PTPRG: variants seen among roughly 807,000 people sequenced by gnomAD.
The protein encoded by PTPRG is protein tyrosine phosphatase receptor type G.
Under a neutral mutation model 165.3 loss-of-function variants are expected in PTPRG, and 102 were observed. The observed-to-expected ratio is 0.62, with a 90% CI of 0.53 to 0.73. The LOEUF is 0.73. Ranked by LOEUF, PTPRG falls within the 30% of genes least tolerant of loss-of-function variation. The probability of loss-of-function intolerance (pLI) is 0.00; values close to 1 mark genes in which losing one functional copy is unlikely to be tolerated. For missense variants in PTPRG, 1,866 were observed against 1,861.4 expected (o/e 1.00, Z -0.05); for synonymous variants, 675 against 669.5 (o/e 1.01, Z -0.13).
chr3:61,862,828 G>A (rs2037308884), intron 2 of PTPRG, among the ~76,000 whole-genome samples: 1 of 152,170 alleles, frequency 6.6e-6, no homozygotes, highest in Non-Finnish European at 1.5e-5. Flanking sequence ...TCTGATGTCA[G>A]CCTACTTAGT....
At position 62,255,288 on chromosome 3, in the gene PTPRG, C is replaced by A. The variant is rs907307491; in HGVS notation, c.2559+73C>A. 2.6e-6 allele frequency: 3 copies of A among 1,175,146 alleles called. No individual in the cohort carries two copies. Among genetic ancestry groups the A allele is most frequent in the African/African-American group, 3.1e-5 (2 of 64,408 alleles). The allele number at this position is 1,175,146 out of a possible 1,614,324, so 72.8% of individuals were successfully genotyped here. A position where few individuals can be genotyped will look rare whatever the true frequency, so the allele number is the denominator to read the frequency against. The stretch of plus-strand genomic sequence containing the variant: ...TTATGCAGATTTTTGTAAACTTGAA[C>A]TGAATTCATTCCAAGCATAACAAAA... On this transcript the variant is annotated intron_variant, in intron 16 of 29. Transcript: ENST00000474889. This position sits in a 1 kb window ranked among gnomAD's most constrained non-coding sequence, Gnocchi z 4.0.
intron 1 of PTPRG, among the ~76,000 whole-genome samples, chr3:61,728,955 G>T (rs61619166): frequency 0.021 from 3,178 of 151,864 alleles, 114 homozygotes; most frequent in African/African-American, 0.073. Context: ...CTGGTTACTT[G>T]AGAGTTTGAG....
At chr3:61,757,881 ATTAAT>A (rs562437013) in intron 2 of PTPRG, among the ~76,000 whole-genome samples, 533 of 152,322 alleles carry the variant, frequency 3.5e-3, no homozygotes, top group Non-Finnish European at 5.6e-3. Context: ...GAAGGACATG[ATTAAT>A]TTAAAGGTTC....
intron 4 of PTPRG, among the ~76,000 whole-genome samples, chr3:62,004,986 A>C (rs2107726314): frequency 6.6e-6 from 1 of 152,294 alleles, no homozygotes; most frequent in Non-Finnish European, 1.5e-5. Context: ...CCCTCTAAGT[A>C]TCCTGGAAGC....
At chr3:61,710,731 T>C (rs1234982164) in intron 1 of PTPRG, among the ~76,000 whole-genome samples, 1 of 152,174 alleles carries the variant, frequency 6.6e-6, no homozygotes, top group Non-Finnish European at 1.5e-5. Context: ...TGGATACCTC[T>C]GATTTAGACC....
chr3:61,945,892 G>A (rs751089228), intron 2 of PTPRG, among the ~76,000 whole-genome samples: 2 of 152,294 alleles, frequency 1.3e-5, no homozygotes, highest in Non-Finnish European at 2.9e-5. Context: ...TGAGAAAAAC[G>A]AAACACAGAG....
At chr3:61,930,775 T>A (rs548719897) in intron 2 of PTPRG, among the ~76,000 whole-genome samples, 1 of 152,290 alleles carries the variant, frequency 6.6e-6, no homozygotes, top group South Asian at 2.1e-4. Flanking sequence ...AAGAAGGCAG[T>A]GCGGCCAGGC....
chr3:61,651,973 G>A (rs1472109048), intron 1 of PTPRG, among the ~76,000 whole-genome samples: 1 of 151,900 alleles, frequency 6.6e-6, no homozygotes, highest in Non-Finnish European at 1.5e-5. Flanking sequence ...TCACACCACT[G>A]CACTCCAGCC....
chr3:62,011,662 G>A (rs1456596910), intron 4 of PTPRG, among the ~76,000 whole-genome samples: 1 of 152,052 alleles, frequency 6.6e-6, no homozygotes, highest in Non-Finnish European at 1.5e-5. Context: ...GATCTTTTAT[G>A]TGTATGTCCT....
At chr3:61,860,829 T>C (rs148174321) in intron 2 of PTPRG, among the ~76,000 whole-genome samples, 1,745 of 152,280 alleles carry the variant, frequency 0.011, 37 homozygotes, top group African/African-American at 0.039. Context: ...TTTTATACTT[T>C]TCCCAGGGTG....
chr3:61,787,142 A>G (rs1044454436), intron 2 of PTPRG, among the ~76,000 whole-genome samples: 1 of 152,198 alleles, frequency 6.6e-6, no homozygotes. Flanking sequence ...GCAAATATTA[A>G]TATTTCGTTG....
chr3:61,742,414 T>G, intron 1 of PTPRG: 1 of 1,246,310 alleles, frequency 8.0e-7, no homozygotes, highest in South Asian at 1.9e-5. Flanking sequence ...TTTTTTTTTT[T>G]TTTTTTTTTG....
At position 61,743,113 on chromosome 3, in the gene PTPRG, T is replaced by C. The variant is rs987130424; in HGVS notation, c.86-5765T>C. 5.0e-6 allele frequency: 7 copies of C among 1,411,126 alleles called. No individual in the cohort carries two copies. The Admixed American group carries it at 1.2e-4, about 24-fold the overall frequency. 87.4% of individuals were successfully genotyped at this position (1,411,126 alleles called of 1,614,324 possible). A position where few individuals can be genotyped will look rare whatever the true frequency, so the allele number is the denominator to read the frequency against. ...GCGAGAGACTGCTGCTCATGGCTTC[T>C]CACGCCGCGCTAACCGGAAAAGAGC... On this transcript the variant is annotated intron_variant, in intron 1 of 29. Transcript: ENST00000474889.
intron 1 of PTPRG, among the ~76,000 whole-genome samples, chr3:61,709,664 C>T (rs2031451563): frequency 6.6e-6 from 1 of 152,162 alleles, no homozygotes; most frequent in African/African-American, 2.4e-5. Context: ...CTAATCTTGA[C>T]TTTACTTCTT....
intron 1 of PTPRG, among the ~76,000 whole-genome samples, chr3:61,614,659 G>A (rs532778360): frequency 6.6e-5 from 10 of 152,156 alleles, no homozygotes; most frequent in African/African-American, 1.9e-4. Flanking sequence ...CAATCCACCC[G>A]CTTTGGCCTC....
intron 28 of PTPRG, among the ~76,000 whole-genome samples, chr3:62,286,649 TG>T (rs541359912): frequency 6.6e-6 from 1 of 152,204 alleles, no homozygotes; most frequent in South Asian, 2.1e-4. Context: ...CAGGGAAAGA[TG>T]AAAAAAATAG....
chr3:62,101,372 C>T (rs1467510877), intron 5 of PTPRG, among the ~76,000 whole-genome samples: 1 of 152,272 alleles, frequency 6.6e-6, no homozygotes, highest in South Asian at 2.1e-4. Context: ...TGGAAAATTC[C>T]GACAGGCCAT....
intron 5 of PTPRG, among the ~76,000 whole-genome samples, chr3:62,111,411 A>G (rs1358335265): frequency 6.6e-6 from 1 of 152,212 alleles, no homozygotes; most frequent in African/African-American, 2.4e-5. Context: ...TTAACATAAT[A>G]AAGGCTCTCT....
chr3:61,657,780 G>C (rs939103), intron 1 of PTPRG, among the ~76,000 whole-genome samples: 150,511 of 152,344 alleles, frequency 0.99, 74,388 homozygotes, highest in South Asian at 1. Context: ...GAGTTCCCAC[G>C]CTTAAAAAGT....
Sources: allele counts gnomAD v4.1 joint callset (sites outside exome capture counted in the v4.1 genomes callset), GRCh38; gene constraint gnomAD v4.1.1; non-coding constraint Gnocchi (gnomAD v3.1); transcripts MANE v1.5; gene names NCBI Gene and HGNC (gene_info 2026-07-23, HGNC 2026-07-21).